The following CDK14 variants were observed in gnomAD, a reference collection of about 807,000 sequenced individuals.
CDK14 encodes cyclin dependent kinase 14, also known as cyclin-dependent kinase 14.
A neutral mutation model predicts 60.7 loss-of-function variants in CDK14; 34 were observed. The observed-to-expected ratio is 0.56, with a 90% CI of 0.43 to 0.75. The LOEUF (loss-of-function observed/expected upper bound fraction) is 0.75. CDK14 is among the 30% of genes least tolerant of loss of function. CDK14 has a pLI of 0.00. For missense variants in CDK14, 482 were observed against 564.1 expected (o/e 0.85, Z 1.47); for synonymous variants, 197 against 203.7 (o/e 0.97, Z 0.28).
At chr7:90,965,870 A>G (rs117451401) in intron 9 of CDK14, among the ~76,000 whole-genome samples, 2,439 of 152,226 alleles carry the variant, frequency 0.016, 21 homozygotes, top group Non-Finnish European at 0.022. Flanking sequence ...ATTGCTGCTG[A>G]GAAGTGTGAT....
chr7:90,847,680 T>C (rs1190828917), intron 5 of CDK14, among the ~76,000 whole-genome samples: 1 of 152,222 alleles, frequency 6.6e-6, no homozygotes, highest in Non-Finnish European at 1.5e-5. Context: ...TTTTATGTTA[T>C]ATAAATGTAC....
chr7:91,170,227 A>G (rs574012512), intron 14 of CDK14, among the ~76,000 whole-genome samples: 1 of 152,344 alleles, frequency 6.6e-6, no homozygotes, highest in Admixed American at 6.5e-5. Flanking sequence ...AACTTCATTA[A>G]TAGTCCTAAA....
At chr7:90,742,652 G>A (rs1020834445) in intron 3 of CDK14, among the ~76,000 whole-genome samples, 1 of 151,760 alleles carries the variant, frequency 6.6e-6, no homozygotes, top group Non-Finnish European at 1.5e-5. Flanking sequence ...ACGTCATACT[G>A]CTTTATTGTT....
intron 4 of CDK14, among the ~76,000 whole-genome samples, chr7:90,771,001 G>A (rs1804764180): frequency 6.6e-6 from 1 of 152,144 alleles, no homozygotes; most frequent in Admixed American, 6.5e-5. Flanking sequence ...CCTGATGTCT[G>A]ATCACCCTGC....
At chr7:90,599,728 C>A (rs532069585) in intron 1 of CDK14, among the ~76,000 whole-genome samples, 1 of 152,232 alleles carries the variant, frequency 6.6e-6, no homozygotes, top group Admixed American at 6.5e-5. Context: ...TTTAACCAAT[C>A]TAAGCTTTTG....
At chr7:90,806,053 T>C (rs985998952) in intron 5 of CDK14, among the ~76,000 whole-genome samples, 1 of 152,160 alleles carries the variant, frequency 6.6e-6, no homozygotes, top group Non-Finnish European at 1.5e-5. Flanking sequence ...AATAACTTTT[T>C]CAATAAATGG....
At chr7:91,144,237 G>A (rs28460423) in intron 14 of CDK14, among the ~76,000 whole-genome samples, 6,918 of 152,234 alleles carry the variant, frequency 0.045, 526 homozygotes, top group African/African-American at 0.16. Context: ...AAAACTGAAT[G>A]CAGTAAGAAA....
At chr7:91,129,516 T>C (rs1800056600) in intron 14 of CDK14, among the ~76,000 whole-genome samples, 1 of 152,186 alleles carries the variant, frequency 6.6e-6, no homozygotes, top group Non-Finnish European at 1.5e-5. Context: ...CAAGGAAAAC[T>C]CTTGTACAGT....
At chr7:91,024,706 G>T (rs113801358) in intron 10 of CDK14, among the ~76,000 whole-genome samples, 87 of 152,272 alleles carry the variant, frequency 5.7e-4, no homozygotes, top group African/African-American at 2.0e-3. Context: ...GATTTCGGCA[G>T]CCGCACTCTA....
intron 11 of CDK14, among the ~76,000 whole-genome samples, chr7:91,060,501 G>A (rs1298191401): frequency 6.6e-6 from 1 of 152,130 alleles, no homozygotes; most frequent in Non-Finnish European, 1.5e-5. Flanking sequence ...AGCCTCGATG[G>A]TCTTTACAAT....
At chr7:91,134,760 A>G (rs1157299219) in intron 14 of CDK14, among the ~76,000 whole-genome samples, 4 of 152,240 alleles carry the variant, frequency 2.6e-5, no homozygotes, top group African/African-American at 9.6e-5. Context: ...CTGTAATCCC[A>G]GTGACTCGGG....
At chr7:90,750,392 A>G (rs13223544) in intron 4 of CDK14, among the ~76,000 whole-genome samples, 28,863 of 152,172 alleles carry the variant, frequency 0.19, 2,866 homozygotes, top group South Asian at 0.24. Context: ...CCAAAATGGA[A>G]ACTCAGAAAT....
chr7:90,637,083 C>A (rs1322966452), intron 2 of CDK14, among the ~76,000 whole-genome samples: 1 of 152,104 alleles, frequency 6.6e-6, no homozygotes, highest in African/African-American at 2.4e-5. Flanking sequence ...TTCAAAAAAC[C>A]AGCTTCTGGA....
intron 1 of CDK14, among the ~76,000 whole-genome samples, chr7:90,601,540 C>G (rs1799312914): frequency 6.6e-6 from 1 of 152,170 alleles, no homozygotes; most frequent in Non-Finnish European, 1.5e-5. Flanking sequence ...TTCATTATGT[C>G]ATAGCAAATA....
intron 2 of CDK14, among the ~76,000 whole-genome samples, chr7:90,627,515 C>T (rs901895203): frequency 1.3e-5 from 2 of 152,088 alleles, no homozygotes; most frequent in Non-Finnish European, 2.9e-5. Flanking sequence ...GCCCAGCTAG[C>T]ACAGATCTTT....
intron 5 of CDK14, among the ~76,000 whole-genome samples, chr7:90,840,484 T>C (rs1584033379): frequency 6.6e-6 from 1 of 152,338 alleles, no homozygotes; most frequent in East Asian, 1.9e-4. Context: ...AGTTCCCATT[T>C]GATGTATTAA....
At chr7:90,649,366 TTTCCTTCCTTCCTTCCTTCCTTCCTTCC>T (rs869197484) in intron 2 of CDK14, among the ~76,000 whole-genome samples, 27 of 22,168 alleles carry the variant, frequency 1.2e-3, no homozygotes, top group East Asian at 0.011. Context: ...CCTTCCTTCC[TTTCCTTCCTTCCTTCCTTCCTTCCTTCC>T]TTCTTTCTTT....
Position 91,105,981 on chromosome 7 carries a change from A to G in CDK14, c.1155-6561A>G, listed in dbSNP as rs368794404. On this transcript the variant is annotated intron_variant, in intron 12 of 14. Transcript: ENST00000380050. ...CTCTGAAGTAATTGCCCAGAATGGA[A>G]AACAGGGACAAACAGATGGAAAACA... Among the ~76,000 whole-genome samples, 6 of 152,204 alleles carry G rather than the reference A, an allele frequency of 3.9e-5. No homozygotes were observed. The South Asian group carries it at 1.0e-3, about 26-fold the overall frequency.
intron 11 of CDK14, among the ~76,000 whole-genome samples, chr7:91,061,973 G>T: frequency 6.6e-6 from 1 of 152,340 alleles, no homozygotes; most frequent in Non-Finnish European, 1.5e-5. Context: ...GCTGCCTTTT[G>T]TTTGGCTATG....
Sources: allele counts gnomAD v4.1 joint callset (sites outside exome capture counted in the v4.1 genomes callset), GRCh38; gene constraint gnomAD v4.1.1; transcripts MANE v1.5; gene names NCBI Gene and HGNC (gene_info 2026-07-23, HGNC 2026-07-21).